SLFN12L: variants seen among roughly 807,000 people sequenced by gnomAD.
SLFN12L encodes schlafen family member 12 like.
SLFN12L carries 34 observed loss-of-function variants against 34.8 expected under a neutral mutation model. That is an observed-to-expected ratio of 0.98 (90% confidence interval 0.74 to 1.30). The LOEUF is 1.30. Ranked by LOEUF, SLFN12L falls within the 50% of genes most tolerant of loss-of-function variation. SLFN12L has a pLI of 0.00. For synonymous variants in SLFN12L, 259 were observed against 247.5 expected (o/e 1.05, Z -0.44); for missense variants, 703 against 696.2 (o/e 1.01, Z -0.11).
chr17:35,483,124 G>C (rs767175135), intron 2 of SLFN12L, among the ~76,000 whole-genome samples: 5 of 152,034 alleles, frequency 3.3e-5, no homozygotes, highest in Non-Finnish European at 5.9e-5. Flanking sequence ...GGTCCCCAGG[G>C]CCTCCTCTCT....
chr17:35,523,385 G>T (rs1488059916), intron 1 of SLFN12L, among the ~76,000 whole-genome samples: 1 of 152,206 alleles, frequency 6.6e-6, no homozygotes, highest in Non-Finnish European at 1.5e-5. Context: ...GGGGGTAGCA[G>T]GAGCCTTCCC....
In SLFN12L at chr17:35,522,541, G is replaced by A; in HGVS notation, c.-177C>T. On this transcript the variant is annotated 5_prime_UTR_variant, in exon 2 of 5. Coordinates refer to ENST00000628453, the MANE Select transcript of SLFN12L (RefSeq NM_001363830.2). ...CTGAAGCCGAGCAAGACAATCACGA[G>A]GGACTGCAGCAGGGCTTCCAATGTG... 1 of 1,611,588 alleles carries A rather than the reference G, an allele frequency of 6.2e-7. No homozygotes were observed. Among genetic ancestry groups the A allele is most frequent in the Non-Finnish European group, 8.5e-7 (1 of 1,178,738 alleles).
In SLFN12L at chr17:35,475,139, GA is replaced by G. The variant is rs779140907; in HGVS notation, c.1622del (p.Phe541SerfsTer3). 1.2e-4 allele frequency: 196 copies of G among 1,614,218 alleles called. 1 individual carries two copies. In the African/African-American group the frequency reaches 2.4e-3, roughly 20 times the overall value. ...TTGTCTTGCCTTCAGGGCTCAAGTA[GA>G]AGATCTTTGTCATGACACACACTTT... Reference protein sequence around the residue: ...TKKVCVMTKIFYLSPEGKTSC... With the variant: ...TKKVCVMTKIXYLSPEGKTSC... On this transcript the variant is annotated frameshift_variant, in exon 5 of 5. Coordinates refer to ENST00000628453, the MANE Select transcript of SLFN12L (RefSeq NM_001363830.2). LOFTEE classifies it low-confidence loss of function (END_TRUNC).
intron 2 of SLFN12L, among the ~76,000 whole-genome samples, chr17:35,485,123 A>T (rs565411574): frequency 6.6e-6 from 1 of 152,116 alleles, no homozygotes; most frequent in Non-Finnish European, 1.5e-5. Flanking sequence ...TCTTTCATCA[A>T]TCTAGCTAAA....
chr17:35,519,054 T>C (rs1366441039), intron 2 of SLFN12L, among the ~76,000 whole-genome samples: 1 of 152,170 alleles, frequency 6.6e-6, no homozygotes, highest in Admixed American at 6.5e-5. Context: ...TGGATGAAGC[T>C]GGAAGCCATG....
intron 1 of SLFN12L, among the ~76,000 whole-genome samples, chr17:35,535,736 C>G (rs1335164814): frequency 6.6e-6 from 1 of 151,984 alleles, no homozygotes; most frequent in African/African-American, 2.4e-5. Context: ...GCTAACCGCA[C>G]CCTCCACCTC....
chr17:35,527,559 A>C (rs1301492843), intron 1 of SLFN12L, among the ~76,000 whole-genome samples: 1 of 152,196 alleles, frequency 6.6e-6, no homozygotes, highest in Non-Finnish European at 1.5e-5. Flanking sequence ...TACGCAAATC[A>C]ATAAACGTAA....
intron 1 of SLFN12L, among the ~76,000 whole-genome samples, chr17:35,528,821 A>C (rs934114741): frequency 2.6e-5 from 4 of 152,260 alleles, no homozygotes; most frequent in African/African-American, 9.6e-5. Context: ...AGCAATGGCA[A>C]CAAAAGCCAA....
chr17:35,525,426 A>G (rs539317521), intron 1 of SLFN12L, among the ~76,000 whole-genome samples: 2 of 152,344 alleles, frequency 1.3e-5, no homozygotes, highest in African/African-American at 4.8e-5. Context: ...CCAAGGTTGA[A>G]ATGAAGGAAA....
At chr17:35,484,857 C>G (rs1914514925) in intron 2 of SLFN12L, among the ~76,000 whole-genome samples, 1 of 152,208 alleles carries the variant, frequency 6.6e-6, no homozygotes, top group East Asian at 1.9e-4. Context: ...CTGAAGTCAT[C>G]TGGTCCATGG....
intron 2 of SLFN12L, among the ~76,000 whole-genome samples, chr17:35,488,927 G>A (rs1215732861): frequency 2.0e-5 from 3 of 151,804 alleles, no homozygotes; most frequent in African/African-American, 4.8e-5. Flanking sequence ...AAAATTAGCC[G>A]GGCGTGGTGG....
chr17:35,493,665 C>T (rs1412869183), intron 2 of SLFN12L, among the ~76,000 whole-genome samples: 1 of 152,136 alleles, frequency 6.6e-6, no homozygotes, highest in Admixed American at 6.5e-5. Context: ...ATCTGGCACA[C>T]AAAGTGGGTT....
chr17:35,534,164 C>T (rs952467972), intron 1 of SLFN12L, among the ~76,000 whole-genome samples: 7 of 152,006 alleles, frequency 4.6e-5, no homozygotes, highest in African/African-American at 1.7e-4. Context: ...AGATGGAGAC[C>T]ATCCTGGCTA....
At chr17:35,528,596 G>T (rs957957797) in intron 1 of SLFN12L, among the ~76,000 whole-genome samples, 5 of 152,136 alleles carry the variant, frequency 3.3e-5, no homozygotes, top group Non-Finnish European at 7.3e-5. Context: ...ATGGGGAAAG[G>T]ATTCCCTATT....
chr17:35,501,826 G>A (rs1456178059), intron 2 of SLFN12L, among the ~76,000 whole-genome samples: 2 of 152,180 alleles, frequency 1.3e-5, no homozygotes, highest in African/African-American at 2.4e-5. Context: ...TAACTTGTAA[G>A]CCAGGGCACC....
intron 1 of SLFN12L, among the ~76,000 whole-genome samples, chr17:35,529,351 A>G (rs2072368324): frequency 1.3e-5 from 2 of 152,236 alleles, no homozygotes; most frequent in Non-Finnish European, 2.9e-5. Context: ...CTGGGTATAT[A>G]CCCAAAGGAT....
At chr17:35,499,489 T>C (rs959176475) in intron 2 of SLFN12L, among the ~76,000 whole-genome samples, 1 of 152,264 alleles carries the variant, frequency 6.6e-6, no homozygotes, top group East Asian at 1.9e-4. Flanking sequence ...AGATTTGCAG[T>C]AAATATGCAC....
At chr17:35,533,073 TAC>T (rs1597889578) in intron 1 of SLFN12L, among the ~76,000 whole-genome samples, 1 of 152,240 alleles carries the variant, frequency 6.6e-6, no homozygotes, top group African/African-American at 2.4e-5. Flanking sequence ...TTAATAATAT[TAC>T]ATTGTTTTAC....
At chr17:35,498,890 C>G in intron 2 of SLFN12L, 1 of 691,690 alleles carries the variant, frequency 1.4e-6, no homozygotes, top group Non-Finnish European at 2.6e-6. Context: ...ACTTGGAGGC[C>G]CCTGATATGC....
Sources: allele counts gnomAD v4.1 joint callset (sites outside exome capture counted in the v4.1 genomes callset), GRCh38; gene constraint gnomAD v4.1.1; transcripts MANE v1.5; gene names NCBI Gene and HGNC (gene_info 2026-07-23, HGNC 2026-07-21).